RALGPS1: variants seen among roughly 807,000 people sequenced by gnomAD.
RALGPS1 encodes the protein ras-specific guanine nucleotide-releasing factor RalGPS1.
Under a neutral mutation model 78.8 loss-of-function variants are expected in RALGPS1, and 19 were observed. That is an observed-to-expected ratio of 0.24 (90% CI 0.17 to 0.35). The LOEUF is 0.35. Ranked by LOEUF, RALGPS1 falls within the 10% of genes least tolerant of loss-of-function variation. The pLI is 1.00. For synonymous variants in RALGPS1, 228 were observed against 256.3 expected (o/e 0.89, Z 1.06); for missense variants, 454 against 688.3 (o/e 0.66, Z 3.81).
intron 8 of RALGPS1, among the ~76,000 whole-genome samples, chr9:127,111,209 C>T (rs756571498): frequency 2.0e-5 from 3 of 152,170 alleles, no homozygotes; most frequent in African/African-American, 7.2e-5. Context: ...CCCCCTTCTT[C>T]GTTGTTTGTT....
Position 127,183,821 on chromosome 9 carries a change from G to A in RALGPS1, c.910+9039G>A, listed in dbSNP as rs1418746699. 1 of 1,510,428 alleles carries A rather than the reference G, an allele frequency of 6.6e-7. No individual in the cohort carries two copies. Among genetic ancestry groups the A allele is most frequent in the Non-Finnish European group, 8.9e-7 (1 of 1,124,398 alleles). The allele number at this position is 1,510,428 out of a possible 1,614,324, so 93.6% of individuals were successfully genotyped here. On this transcript the variant is annotated intron_variant, in intron 11 of 18. Coordinates refer to ENST00000259351, the MANE Select transcript of RALGPS1 (RefSeq NM_014636.3). This position sits in a 1 kb window ranked among gnomAD's most constrained non-coding sequence, Gnocchi z 4.0. ...TGAGGACCTCAGGGATAGGAGGCCA[G>A]TTGTGGCCCATTACTCTGGGATTTC...
intron 10 of RALGPS1, among the ~76,000 whole-genome samples, chr9:127,171,383 TGA>T (rs2059557801): frequency 1.3e-4 from 1 of 7,462 alleles, no homozygotes; most frequent in African/African-American, 1.3e-3. Context: ...AACTTTCATG[TGA>T]AAAAAAAATG....
In RALGPS1 at chr9:127,040,613, G is replaced by A. The variant is rs1001862998; in HGVS notation, c.300+6099G>A. Among the ~76,000 whole-genome samples the A allele has an allele frequency of 3.9e-5, 6 of 152,260 alleles. 1 individual carries two copies. The South Asian group carries it at 6.2e-4, about 16-fold the overall frequency. ...ATTTTCTGACATAGAGCAGGTCTGG[G>A]AAATCAAGAAGAAAGAGGTGGCTGA... On this transcript the variant is annotated intron_variant, in intron 5 of 18. Transcript: ENST00000259351.
At chr9:127,149,394 C>T (rs1272044987) in intron 8 of RALGPS1, among the ~76,000 whole-genome samples, 2 of 152,208 alleles carry the variant, frequency 1.3e-5, no homozygotes, top group South Asian at 2.1e-4. Flanking sequence ...AAGCGTTTGG[C>T]GCTAGAGGGC....
chr9:126,977,739 G>A lies in RALGPS1; in HGVS notation c.210G>A (p.Gln70=). 1 of 1,601,874 alleles carries A rather than the reference G, an allele frequency of 6.2e-7. No individual in the cohort carries two copies. Among genetic ancestry groups the A allele is most frequent in the Non-Finnish European group, 8.5e-7 (1 of 1,173,238 alleles). Residue 70 remains glutamine, a synonymous_variant, in exon 4 of 19, where the codon CAG becomes CAA. Coordinates refer to ENST00000259351, the MANE Select transcript of RALGPS1 (RefSeq NM_014636.3). ...ATATACCTGTGTTTAAAGCTATCCAGCCGGAGGTCTGTACTTTGTCTTTCT... is the reference window on the plus strand; with the variant it reads ...ATATACCTGTGTTTAAAGCTATCCAACCGGAGGTCTGTACTTTGTCTTTCT... ...LMDIPVFKAI[Q]PEELASCGWS...
At chr9:127,134,173 TCTC>T (rs2057236698) in intron 8 of RALGPS1, among the ~76,000 whole-genome samples, 1 of 152,008 alleles carries the variant, frequency 6.6e-6, no homozygotes, top group Non-Finnish European at 1.5e-5. Flanking sequence ...AGGGGGGGTC[TCTC>T]CTCCTTTGTT....
chr9:127,113,059 G>A (rs956326923), intron 8 of RALGPS1, among the ~76,000 whole-genome samples: 1 of 152,222 alleles, frequency 6.6e-6, no homozygotes, highest in African/African-American at 2.4e-5. Context: ...TTACACCTCT[G>A]TGGGGCCTAG....
At chr9:127,072,957 T>C (rs2050333221) in intron 8 of RALGPS1, among the ~76,000 whole-genome samples, 1 of 152,246 alleles carries the variant, frequency 6.6e-6, no homozygotes, top group Non-Finnish European at 1.5e-5. Flanking sequence ...TTATTTGTAT[T>C]GATAGATAAT....
At position 127,096,794 on chromosome 9, in the gene RALGPS1, T is replaced by C. The variant is rs114478195; in HGVS notation, c.610+27438T>C. 4.7e-3 allele frequency among the ~76,000 whole-genome samples: 711 copies of C among 152,338 alleles called. 6 individuals are homozygous for C. Among genetic ancestry groups the C allele is most frequent in the African/African-American group, 0.016 (680 of 41,580 alleles). ...CCAAAGTCCCAGGTTATAAACTCCT[T>C]GCTCTAAGAGTAGTGACTGAAGTAG... is the stretch of plus-strand genomic sequence containing the variant. On this transcript the variant is annotated intron_variant, in intron 8 of 18. Coordinates refer to ENST00000259351, the MANE Select transcript of RALGPS1 (RefSeq NM_014636.3).
chr9:127,151,089 C>G (rs1411739817), intron 8 of RALGPS1, among the ~76,000 whole-genome samples: 1 of 151,874 alleles, frequency 6.6e-6, no homozygotes, highest in African/African-American at 2.4e-5. Flanking sequence ...GAAGCTAAGG[C>G]AGGGGAATTG....
At chr9:127,040,002 A>G (rs2047154579) in intron 5 of RALGPS1, among the ~76,000 whole-genome samples, 1 of 152,244 alleles carries the variant, frequency 6.6e-6, no homozygotes, top group Non-Finnish European at 1.5e-5. Context: ...GCCTAGGAGT[A>G]GGTGCATGGA....
chr9:127,210,673 A>G (rs942917254), intron 14 of RALGPS1: 30 of 1,537,860 alleles, frequency 2.0e-5, no homozygotes, highest in Non-Finnish European at 2.6e-5. Flanking sequence ...TGTTGCTAAA[A>G]TTTAACCCTT....
intron 1 of RALGPS1, among the ~76,000 whole-genome samples, chr9:126,944,854 A>G: frequency 6.6e-6 from 1 of 152,108 alleles, no homozygotes; most frequent in Admixed American, 6.5e-5. Flanking sequence ...GAGTCTCATC[A>G]GTTTCCTCTG....
At chr9:127,041,714 T>C (rs2047339927) in intron 5 of RALGPS1, among the ~76,000 whole-genome samples, 1 of 152,088 alleles carries the variant, frequency 6.6e-6, no homozygotes, top group African/African-American at 2.4e-5. Context: ...TATACAGGGA[T>C]AGGTGGAGGA....
chr9:127,049,272 T>TC (rs1363257107), intron 5 of RALGPS1, among the ~76,000 whole-genome samples: 18 of 152,294 alleles, frequency 1.2e-4, no homozygotes, highest in African/African-American at 4.3e-4. Context: ...ATGAGTCTCT[T>TC]CCGTTGCATT....
intron 4 of RALGPS1, among the ~76,000 whole-genome samples, chr9:127,013,075 T>C (rs2044500364): frequency 6.6e-6 from 1 of 152,072 alleles, no homozygotes; most frequent in Non-Finnish European, 1.5e-5. Context: ...GCCTGGAGAA[T>C]TGGTATAATT....
chr9:126,969,013 A>G lies in RALGPS1; in HGVS notation c.165+3062A>G, dbSNP rs540886142. Among the ~76,000 whole-genome samples, 415 of 152,168 alleles carry G rather than the reference A, an allele frequency of 2.7e-3. 1 individual carries two copies. The highest frequency in any genetic ancestry group is 3.7e-3 in the Non-Finnish European group (252 of 68,004). ...CGGTGAGCCGAGATTGCGCCATTGC[A>G]CTCCAGCCTGGGCAAAAAGAGCGAA... On this transcript the variant is annotated intron_variant, in intron 3 of 18. Transcript: ENST00000259351.
intron 5 of RALGPS1, among the ~76,000 whole-genome samples, chr9:127,049,284 A>G (rs1361094057): frequency 6.6e-6 from 1 of 152,120 alleles, no homozygotes; most frequent in African/African-American, 2.4e-5. Context: ...CGTTGCATTG[A>G]GGTGCCATGT....
At chr9:127,112,012 A>C (rs1490600691) in intron 8 of RALGPS1, among the ~76,000 whole-genome samples, 6 of 152,226 alleles carry the variant, frequency 3.9e-5, no homozygotes, top group African/African-American at 1.4e-4. Context: ...GGGCTTCTCC[A>C]GTGAGGACCC....
Sources: gnomAD v4.1 joint callset for allele counts (sites outside exome capture counted in the v4.1 genomes callset) on GRCh38, gnomAD v4.1.1 for gene constraint, Gnocchi (gnomAD v3.1) non-coding constraint, MANE v1.5 for transcripts, NCBI Gene and HGNC (gene_info 2026-07-23, HGNC 2026-07-21) for gene names.